RAB3C: variants seen among roughly 807,000 people sequenced by gnomAD.
The protein encoded by RAB3C is RAB3C, member RAS oncogene family.
RAB3C carries 17 observed loss-of-function variants against 26.4 expected under a neutral mutation model. The observed-to-expected ratio is 0.64, with a 90% CI of 0.44 to 0.97. The LOEUF (loss-of-function observed/expected upper bound fraction) is 0.97, where lower values mean the gene tolerates loss of function less well. Ranked by LOEUF, RAB3C falls within the 50% of genes least tolerant of loss-of-function variation. The pLI is 0.00. For missense variants in RAB3C, 242 were observed against 281.9 expected (o/e 0.86, Z 1.01); for synonymous variants, 91 against 95.9 (o/e 0.95, Z 0.30).
intron 3 of RAB3C, chr5:58,823,247 T>A (rs979306477): frequency 4.8e-5 from 12 of 250,460 alleles, no homozygotes; most frequent in African/African-American, 1.8e-4. Flanking sequence ...TCATATTGGC[T>A]GGGCACGGTG....
intron 2 of RAB3C, among the ~76,000 whole-genome samples, chr5:58,635,075 C>T (rs967573023): frequency 1.3e-5 from 2 of 152,130 alleles, no homozygotes; most frequent in African/African-American, 4.8e-5. Context: ...TAAAAACACT[C>T]AAAGAGGTGA....
rs1694805721 is a variant in RAB3C, at chr5:58,704,440, C to T, written c.253-21562C>T. 4.6e-5 allele frequency among the ~76,000 whole-genome samples: 7 copies of T among 152,126 alleles called. 1 individual carries two copies. The South Asian group carries it at 1.5e-3, about 32-fold the overall frequency. ...AGGACTCTGATAGAATAAACTGCAT[C>T]AATATCTCTATTTCCTGAAAAGGAA... On this transcript the variant is annotated intron_variant, in intron 2 of 4. Coordinates refer to ENST00000282878, the MANE Select transcript of RAB3C (RefSeq NM_138453.4).
chr5:58,642,722 G>C (rs2111771324), intron 2 of RAB3C, among the ~76,000 whole-genome samples: 1 of 152,300 alleles, frequency 6.6e-6, no homozygotes, highest in East Asian at 1.9e-4. Context: ...TGTATTTCTT[G>C]ATTGCTCTTT....
chr5:58,824,033 T>C (rs11960050), intron 3 of RAB3C, among the ~76,000 whole-genome samples: 42,618 of 151,536 alleles, frequency 0.28, 6,230 homozygotes, highest in Non-Finnish European at 0.32. Context: ...ATTTCATCCA[T>C]GTCCCTACAG....
chr5:58,716,808 A>T (rs1404527515), intron 2 of RAB3C, among the ~76,000 whole-genome samples: 3 of 151,922 alleles, frequency 2.0e-5, no homozygotes, highest in Non-Finnish European at 4.4e-5. Flanking sequence ...TATTAAAAAA[A>T]AAAAAAAAAA....
chr5:58,664,264 C>G (rs978321557), intron 2 of RAB3C, among the ~76,000 whole-genome samples: 2 of 152,078 alleles, frequency 1.3e-5, no homozygotes, highest in African/African-American at 4.8e-5. Context: ...TGTGGCAAAT[C>G]CATACTATCG....
rs1404729976 is a variant in RAB3C at position 58,852,131 on chromosome 5, G to A, written c.*780G>A. 1 of 152,024 alleles carries A rather than the reference G, an allele frequency of 6.6e-6. No homozygotes were observed. The highest frequency in any genetic ancestry group is 2.4e-5 in the African/African-American group (1 of 41,440). The allele number at this position is 152,024 out of a possible 1,614,324, so 9.4% of individuals were successfully genotyped here. A position where few individuals can be genotyped will look rare whatever the true frequency, so the allele number is the denominator to read the frequency against. ...TATTCAACATCATTGAACAGATTGA[G>A]ACATATCTACTGAATGCCAGTTATG... On this transcript the variant is annotated 3_prime_UTR_variant, in exon 5 of 5. Coordinates refer to ENST00000282878, the MANE Select transcript of RAB3C (RefSeq NM_138453.4).
chr5:58,805,397 C>T (rs978560033), intron 3 of RAB3C, among the ~76,000 whole-genome samples: 1 of 151,762 alleles, frequency 6.6e-6, no homozygotes, highest in Non-Finnish European at 1.5e-5. Flanking sequence ...CCAGCCTGGC[C>T]AACATGATGA....
intron 4 of RAB3C, among the ~76,000 whole-genome samples, chr5:58,835,102 C>T (rs1256380000): frequency 6.6e-6 from 1 of 152,082 alleles, no homozygotes; most frequent in Non-Finnish European, 1.5e-5. Flanking sequence ...CCATGAAACC[C>T]CACCCATGCA....
intron 3 of RAB3C, chr5:58,823,023 C>T (rs774068615): frequency 1.8e-5 from 11 of 607,734 alleles, no homozygotes; most frequent in Middle Eastern, 5.0e-4. Flanking sequence ...AAAGGCTGTT[C>T]TGTCCCTCAC....
intron 2 of RAB3C, among the ~76,000 whole-genome samples, chr5:58,657,856 G>A (rs925922844): frequency 6.6e-6 from 1 of 152,076 alleles, no homozygotes. Flanking sequence ...TTCTTTAACT[G>A]CTAGTTTTAT....
intron 2 of RAB3C, among the ~76,000 whole-genome samples, chr5:58,656,777 C>T (rs1260229393): frequency 2.0e-5 from 3 of 151,992 alleles, no homozygotes; most frequent in Non-Finnish European, 4.4e-5. Context: ...GGTCAGGGCT[C>T]GACTGGTGGG....
chr5:58,587,954 A>T (rs561860043), intron 1 of RAB3C, among the ~76,000 whole-genome samples: 15 of 152,180 alleles, frequency 9.9e-5, no homozygotes, highest in African/African-American at 3.6e-4. Flanking sequence ...GAACAAAAAA[A>T]TATGTTCTTG....
intron 4 of RAB3C, among the ~76,000 whole-genome samples, chr5:58,837,729 T>G (rs567419540): frequency 6.6e-6 from 1 of 150,492 alleles, no homozygotes; most frequent in Non-Finnish European, 1.5e-5. Flanking sequence ...CAGATAATTT[T>G]TAAGTATTTA....
intron 3 of RAB3C, among the ~76,000 whole-genome samples, chr5:58,775,852 T>C (rs1742120650): frequency 6.6e-6 from 1 of 152,144 alleles, no homozygotes. Context: ...GTGGATATGC[T>C]GATGGTAAGT....
intron 3 of RAB3C, among the ~76,000 whole-genome samples, chr5:58,746,870 A>G (rs1226744901): frequency 1.3e-5 from 2 of 152,342 alleles, no homozygotes; most frequent in East Asian, 1.9e-4. Flanking sequence ...ATTGATTCAT[A>G]TTTCTAGATA....
At chr5:58,729,704 G>A (rs1014287874) in intron 3 of RAB3C, among the ~76,000 whole-genome samples, 1 of 146,662 alleles carries the variant, frequency 6.8e-6, no homozygotes, top group Non-Finnish European at 1.5e-5. Flanking sequence ...TACATTGTGT[G>A]TATGTGTATA....
intron 3 of RAB3C, among the ~76,000 whole-genome samples, chr5:58,798,093 C>CG (rs993011572): frequency 2.4e-5 from 1 of 41,110 alleles, no homozygotes; most frequent in Non-Finnish European, 9.0e-5. Context: ...ACATACTTGG[C>CG]GGGGGGGCCT....
intron 1 of RAB3C, among the ~76,000 whole-genome samples, chr5:58,588,792 T>C (rs1746065063): frequency 6.6e-6 from 1 of 152,142 alleles, no homozygotes; most frequent in South Asian, 2.1e-4. Context: ...CCTTGCTATA[T>C]TTATTTCTAG....
Sources: allele counts gnomAD v4.1 joint callset (sites outside exome capture counted in the v4.1 genomes callset), GRCh38; gene constraint gnomAD v4.1.1; transcripts MANE v1.5; gene names NCBI Gene and HGNC (gene_info 2026-07-23, HGNC 2026-07-21).